The following LRIG3 variants were observed in gnomAD, a reference collection of about 807,000 sequenced individuals.
LRIG3 encodes leucine rich repeats and immunoglobulin like domains 3.
In LRIG3, 76 loss-of-function variants were observed where a neutral mutation model predicts 114.5. That is an observed-to-expected ratio of 0.66 (90% CI 0.55 to 0.80). The LOEUF is 0.80. LRIG3 is among the 30% of genes least tolerant of loss of function. The probability of loss-of-function intolerance (pLI) is 0.00; values close to 1 mark genes in which losing one functional copy is unlikely to be tolerated. For synonymous variants in LRIG3, 512 were observed against 519.8 expected, an observed-to-expected ratio of 0.98 and a Z score of 0.20; for missense variants, 1,239 against 1,382.8, an observed-to-expected ratio of 0.90 and a Z score of 1.65.
At chr12:58,904,370 T>C (rs1373654987) in intron 3 of LRIG3, among the ~76,000 whole-genome samples, 1 of 152,188 alleles carries the variant, frequency 6.6e-6, no homozygotes, top group African/African-American at 2.4e-5. Flanking sequence ...TTGTCTCTCT[T>C]GGTAGAACAA....
At position 58,891,723 on chromosome 12, in the gene LRIG3, T is replaced by A. The variant is rs186788336; in HGVS notation, c.384-927A>T. 1.9e-3 allele frequency among the ~76,000 whole-genome samples: 296 copies of A among 152,264 alleles called. 2 individuals carry two copies. The highest frequency in any genetic ancestry group is 0.015 in the Admixed American group (222 of 15,298). On this transcript the variant is annotated intron_variant, in intron 3 of 18. Transcript: ENST00000320743. ...CAGCCCTTTCAATAGTACAAAAGTA[T>A]TACATAAGAAGAACACTCCAGTTTG...
intron 3 of LRIG3, among the ~76,000 whole-genome samples, chr12:58,907,674 A>T (rs1872116260): frequency 6.6e-6 from 1 of 152,236 alleles, no homozygotes; most frequent in Non-Finnish European, 1.5e-5. Flanking sequence ...GTTTTCACAG[A>T]TAAACAAAGA....
intron 14 of LRIG3, 127 bp downstream of exon 14, chr12:58,878,687 TTAATACTTTC>T: frequency 1.9e-6 from 2 of 1,049,732 alleles, no homozygotes; most frequent in Non-Finnish European, 2.8e-6. Flanking sequence ...GCCATTTGCA[TTAATACTTTC>T]TAGGAAAAGG....
In LRIG3 at chr12:58,872,539, GTATGT is replaced by G; in HGVS notation, c.*28_*32del. Reference sequence around the variant, plus strand: ...TTTAAATAAAAGTTCACTTGAGGTAGTATGTTAAGCTTTTCCTTTGGTCTCATTCA... The same window carrying G: ...TTTAAATAAAAGTTCACTTGAGGTAGTAAGCTTTTCCTTTGGTCTCATTCA... On this transcript the variant is annotated 3_prime_UTR_variant, in exon 19 of 19. Coordinates refer to ENST00000320743, the MANE Select transcript of LRIG3 (RefSeq NM_153377.5). The G allele has an allele frequency of 6.5e-7, 1 of 1,527,324 alleles. No homozygotes were observed. The highest frequency in any genetic ancestry group is 8.8e-7 in the Non-Finnish European group (1 of 1,134,448). 94.6% of individuals were successfully genotyped at this position (1,527,324 alleles called of 1,614,324 possible).
chr12:58,912,921 C>A (rs1409979732), intron 3 of LRIG3, among the ~76,000 whole-genome samples: 1 of 152,194 alleles, frequency 6.6e-6, no homozygotes, highest in Non-Finnish European at 1.5e-5. Flanking sequence ...CTTTTTCTTT[C>A]ACTCCTTTCT....
Position 58,889,058 on chromosome 12 carries a change from G to A in LRIG3, c.660-96C>T. Reference sequence around the variant, plus strand: ...TACTACAATATAGTTCAACCAGTCAGTGTTCAATTACATACAGTGTTTTCA... The same window carrying A: ...TACTACAATATAGTTCAACCAGTCAATGTTCAATTACATACAGTGTTTTCA... On this transcript the variant is annotated intron_variant, in intron 5 of 18. Coordinates refer to ENST00000320743, the MANE Select transcript of LRIG3 (RefSeq NM_153377.5). 2.6e-6 allele frequency: 3 copies of A among 1,168,016 alleles called. No homozygotes were observed. The East Asian group carries it at 7.4e-5, about 29-fold the overall frequency. 72.4% of individuals were successfully genotyped at this position (1,168,016 alleles called of 1,614,324 possible). A position where few individuals can be genotyped will look rare whatever the true frequency, so the allele number is the denominator to read the frequency against.
Position 58,878,945 on chromosome 12 carries a change from C to G in LRIG3, c.1962G>C (p.Val654=), listed in dbSNP as rs1385356189. ...FPAARERRMH[V]MPEDDVFFIV... ...TAAAGAACACGTCATCCTCGGGCATCACATGCATGCGTCTCTCCCGTGCAG... is the reference window on the plus strand; with the variant it reads ...TAAAGAACACGTCATCCTCGGGCATGACATGCATGCGTCTCTCCCGTGCAG... The change falls in exon 14 of 19, where the codon GTG becomes GTC. Residue 654 remains valine (V), a synonymous_variant. Coordinates refer to ENST00000320743, the MANE Select transcript of LRIG3 (RefSeq NM_153377.5). The G allele has an allele frequency of 6.2e-7, 1 of 1,614,140 alleles. No homozygotes were observed. Among genetic ancestry groups the G allele is most frequent in the South Asian group, 1.1e-5 (1 of 91,086 alleles).
chr12:58,911,557 C>T (rs748196301), intron 3 of LRIG3, among the ~76,000 whole-genome samples: 12 of 152,144 alleles, frequency 7.9e-5, no homozygotes, highest in Non-Finnish European at 1.5e-4. Context: ...CCACAAAAAA[C>T]TCTTAATATG....
At chr12:58,885,123 T>C (rs532547311) in intron 10 of LRIG3, among the ~76,000 whole-genome samples, 1 of 152,308 alleles carries the variant, frequency 6.6e-6, no homozygotes, top group South Asian at 2.1e-4. Flanking sequence ...GCTAGTGTGA[T>C]GCAGGGACAC....
At chr12:58,880,315 AAAAAG>A in intron 13 of LRIG3, 1 of 572,528 alleles carries the variant, frequency 1.7e-6, no homozygotes, top group Admixed American at 2.9e-5. Context: ...AAAAAAAAAG[AAAAAG>A]AAAAAAAAAA....
At chr12:58,908,152 C>T (rs1872136517) in intron 3 of LRIG3, among the ~76,000 whole-genome samples, 1 of 152,200 alleles carries the variant, frequency 6.6e-6, no homozygotes, top group Non-Finnish European at 1.5e-5. Flanking sequence ...GATGGAACCA[C>T]ATCTCGCGGC....
In LRIG3 at chr12:58,892,894, T is replaced by C. The variant is rs532465425; in HGVS notation, c.384-2098A>G. On this transcript the variant is annotated intron_variant, in intron 3 of 18. Coordinates refer to ENST00000320743, the MANE Select transcript of LRIG3 (RefSeq NM_153377.5). ...CACAGAATACAGAGTATGAAAGATA[T>C]TCTGGCATTTAATTTCTTATGCAGA... Among the ~76,000 whole-genome samples, 4 of 152,340 alleles carry C rather than the reference T, an allele frequency of 2.6e-5. No individual in the cohort carries two copies. In the South Asian group the frequency reaches 8.3e-4, roughly 32 times the overall value.
intron 5 of LRIG3, 64 bp from the exon 6 acceptor site, chr12:58,889,026 G>T: frequency 6.8e-7 from 1 of 1,470,960 alleles, no homozygotes. Flanking sequence ...GTAATAAAAT[G>T]TGTCATTACT....
intron 1 of LRIG3, among the ~76,000 whole-genome samples, chr12:58,916,658 A>C (rs1872492377): frequency 6.6e-6 from 1 of 152,144 alleles, no homozygotes; most frequent in African/African-American, 2.4e-5. Context: ...TTCCCCACAA[A>C]ACTTTTACAA....
chr12:58,914,240 T>G, intron 2 of LRIG3, 25 bp downstream of exon 2: 1 of 1,610,878 alleles, frequency 6.2e-7, no homozygotes, highest in East Asian at 2.2e-5. Context: ...ACTCAAACCT[T>G]AAAAACAAAA....
At chr12:58,910,075 GA>G (rs1241315525) in intron 3 of LRIG3, among the ~76,000 whole-genome samples, 2 of 152,152 alleles carry the variant, frequency 1.3e-5, no homozygotes, top group Non-Finnish European at 2.9e-5. Context: ...CTGGAATGAT[GA>G]CAATGTCACC....
chr12:58,894,386 G>A (rs1713100968), intron 3 of LRIG3, among the ~76,000 whole-genome samples: 1 of 152,042 alleles, frequency 6.6e-6, no homozygotes. Context: ...AGACTAACTG[G>A]CAAGTACCCA....
intron 3 of LRIG3, 149 bp from the exon 4 acceptor site, chr12:58,890,945 C>T (rs1233250402): frequency 7.5e-6 from 4 of 531,426 alleles, no homozygotes; most frequent in Non-Finnish European, 1.2e-5. Flanking sequence ...AATACCATGG[C>T]CATTTTAAGT....
chr12:58,919,235 T>C (rs151201906), intron 1 of LRIG3, among the ~76,000 whole-genome samples: 69 of 152,346 alleles, frequency 4.5e-4, no homozygotes, highest in African/African-American at 1.5e-3. Context: ...CAGTTGGCAG[T>C]GATTTCAGGT....
Sources: allele counts gnomAD v4.1 joint callset (sites outside exome capture counted in the v4.1 genomes callset), GRCh38; gene constraint gnomAD v4.1.1; transcripts MANE v1.5; gene names NCBI Gene and HGNC (gene_info 2026-07-23, HGNC 2026-07-21).